Variants in STIM1 observed in about 807,000 individuals in gnomAD.
The protein encoded by STIM1 is stromal interaction molecule 1.
In STIM1, 25 loss-of-function variants were observed where a neutral mutation model predicts 74.7. The observed-to-expected ratio is 0.33, with a 90% confidence interval of 0.24 to 0.47. STIM1 has a LOEUF of 0.47. Among genes scored for constraint, STIM1 ranks in the 20% least tolerant of loss-of-function variants. The pLI, the probability that STIM1 is intolerant of heterozygous loss-of-function variation, is 1.00. For synonymous variants in STIM1, 328 were observed against 348.8 expected (o/e 0.94, Z 0.66); for missense variants, 728 against 920.8 (o/e 0.79, Z 2.71).
rs2133268554 is a variant in STIM1, at chr11:4,092,321, TTC to T, written c.*525_*526del. Reference sequence around the variant, plus strand: ...GCTAGGGCCTAATCTTTGAAGTTTGTTCTTTGGTATTGATGTGGGTCAGAAGG... The same window carrying T: ...GCTAGGGCCTAATCTTTGAAGTTTGTTTTGGTATTGATGTGGGTCAGAAGG... On this transcript the variant is annotated 3_prime_UTR_variant, in exon 13 of 13. Transcript: ENST00000526596. 5.4e-6 allele frequency: 1 copy of T among 184,760 alleles called. No homozygotes were observed. Among genetic ancestry groups the T allele is most frequent in the Admixed American group, 5.3e-5 (1 of 18,854 alleles). The allele number at this position is 184,760 out of a possible 1,614,324, so 11.4% of individuals were successfully genotyped here.
At chr11:4,076,383 G>A (rs1449748983) in intron 7 of STIM1, among the ~76,000 whole-genome samples, 2 of 150,520 alleles carry the variant, frequency 1.3e-5, no homozygotes, top group Non-Finnish European at 3.0e-5. Context: ...CTCCTTGGGA[G>A]GCTGAGGCAG....
At chr11:3,935,362 C>G (rs1349257382) in intron 1 of STIM1, among the ~76,000 whole-genome samples, 3 of 152,212 alleles carry the variant, frequency 2.0e-5, no homozygotes, top group South Asian at 4.1e-4. Context: ...GCAAGGTGCT[C>G]TCTTCATTAT....
intron 1 of STIM1, among the ~76,000 whole-genome samples, chr11:3,959,890 C>T (rs1277830859): frequency 6.6e-6 from 1 of 152,096 alleles, no homozygotes; most frequent in Non-Finnish European, 1.5e-5. Flanking sequence ...ACTGCTGGCA[C>T]CTTAACACAA....
chr11:3,883,110 T>TA (rs527616254), intron 1 of STIM1, among the ~76,000 whole-genome samples: 122 of 152,330 alleles, frequency 8.0e-4, no homozygotes, highest in African/African-American at 2.7e-3. Flanking sequence ...TTTCTTGACT[T>TA]AAAAATCACC....
intron 2 of STIM1, among the ~76,000 whole-genome samples, chr11:3,983,876 T>C (rs1214035373): frequency 6.6e-6 from 1 of 151,836 alleles, no homozygotes; most frequent in Middle Eastern, 3.4e-3. Flanking sequence ...CTCCTTTCTT[T>C]TTTTTTTTTA....
At chr11:3,989,273 C>A in intron 2 of STIM1, 2 of 918,946 alleles carry the variant, frequency 2.2e-6, no homozygotes, top group Non-Finnish European at 3.7e-6. Flanking sequence ...GCCACTTCGG[C>A]CTGTTTTCCC....
At chr11:3,976,538 A>G (rs2093449962) in intron 2 of STIM1, among the ~76,000 whole-genome samples, 2 of 152,180 alleles carry the variant, frequency 1.3e-5, no homozygotes, top group South Asian at 4.1e-4. Flanking sequence ...GTTAAATTTC[A>G]TCATATGTTA....
At chr11:4,004,289 G>A (rs1404201331) in intron 2 of STIM1, among the ~76,000 whole-genome samples, 1 of 152,066 alleles carries the variant, frequency 6.6e-6, no homozygotes, top group African/African-American at 2.4e-5. Flanking sequence ...TCAATCCTAA[G>A]CCAAAAGAAC....
chr11:3,949,417 C>T (rs2135656613), intron 1 of STIM1, among the ~76,000 whole-genome samples: 1 of 152,278 alleles, frequency 6.6e-6, no homozygotes, highest in African/African-American at 2.4e-5. Flanking sequence ...GCTATAGAGA[C>T]AGCCTCTTGA....
Position 4,082,168 on chromosome 11 carries a change from C to A in STIM1, c.970-16C>A, listed in dbSNP as rs201003963. 9.3e-6 allele frequency: 15 copies of A among 1,613,990 alleles called. No individual in the cohort carries two copies. The East Asian group carries it at 3.3e-4, about 36-fold the overall frequency. On this transcript the variant is annotated splice_polypyrimidine_tract_variant and intron_variant, in intron 7 of 12. Transcript: ENST00000526596. The stretch of plus-strand genomic sequence containing the variant: ...TTAGTAGCAGTAAATGAACTCACAT[C>A]CTTTTGGCTGCCTAGGTTCGGGAGG...
chr11:3,957,494 C>T (rs11030394), intron 1 of STIM1, among the ~76,000 whole-genome samples: 58,497 of 151,686 alleles, frequency 0.39, 12,883 homozygotes, highest in Admixed American at 0.49. Context: ...CCTGACCTTG[C>T]GATCCACCTG....
At position 3,868,877 on chromosome 11, in the gene STIM1, C is replaced by A. The variant is rs570735972; in HGVS notation, c.139+12468C>A. Among the ~76,000 whole-genome samples, 192 of 152,216 alleles carry A rather than the reference C, an allele frequency of 1.3e-3. 1 individual carries two copies. Among genetic ancestry groups the A allele is most frequent in the African/African-American group, 4.3e-3 (179 of 41,542 alleles). On this transcript the variant is annotated intron_variant, in intron 1 of 12. Transcript: ENST00000526596. ...TATGTGTTATAAGACAATCCCTGCC[C>A]AGTAGAAGGACTCAATATAGCAGGA... is the stretch of plus-strand genomic sequence containing the variant.
intron 1 of STIM1, among the ~76,000 whole-genome samples, chr11:3,914,303 A>G (rs2135492434): frequency 6.6e-6 from 1 of 152,228 alleles, no homozygotes; most frequent in African/African-American, 2.4e-5. Flanking sequence ...ATGCATCAGA[A>G]AACTTCATTT....
At chr11:4,038,191 C>T (rs756035809) in intron 3 of STIM1, among the ~76,000 whole-genome samples, 9 of 152,024 alleles carry the variant, frequency 5.9e-5, no homozygotes, top group East Asian at 1.9e-4. Context: ...CATGCCACTA[C>T]GCCCAGCTAA....
intron 1 of STIM1, among the ~76,000 whole-genome samples, chr11:3,933,238 C>A (rs746873652): frequency 6.6e-6 from 1 of 152,152 alleles, no homozygotes; most frequent in African/African-American, 2.4e-5. Context: ...AATGGGACCA[C>A]GTTTCCCCAA....
chr11:3,960,450 A>T (rs940600927), intron 1 of STIM1, among the ~76,000 whole-genome samples: 13 of 152,236 alleles, frequency 8.5e-5, no homozygotes, highest in African/African-American at 3.1e-4. Context: ...TGTATAAATG[A>T]AAGTGTCAAC....
rs11030907 is a variant in STIM1, at chr11:4,088,420, C to A, written c.1634+1877C>A. On this transcript the variant is annotated intron_variant, in intron 12 of 12. Coordinates refer to ENST00000526596, the MANE Select transcript of STIM1 (RefSeq NM_001382567.1). ...ACCTCTGGATAGTTATGCTTGAGGG[C>A]TGTTCCTTTCTCTTGCACAAAGGGA... 0.44 allele frequency among the ~76,000 whole-genome samples: 66,546 copies of A among 152,038 alleles called. 16,864 individuals are homozygous for A. Among genetic ancestry groups the A allele is most frequent in the Non-Finnish European group, 0.57 (38,653 of 67,948 alleles).
chr11:4,055,436 A>G, intron 3 of STIM1, 90 bp from the exon 4 acceptor site: 3 of 964,130 alleles, frequency 3.1e-6, no homozygotes, highest in Non-Finnish European at 4.9e-6. Context: ...TTAAACACAC[A>G]AATGTGGTAA....
chr11:3,872,300 G>A (rs1347835807), intron 1 of STIM1, among the ~76,000 whole-genome samples: 1 of 151,876 alleles, frequency 6.6e-6, no homozygotes, highest in Non-Finnish European at 1.5e-5. Context: ...TGATCTGCCC[G>A]CCTTGGCCTC....
Sources: gnomAD v4.1 joint callset for allele counts (sites outside exome capture counted in the v4.1 genomes callset) on GRCh38, gnomAD v4.1.1 for gene constraint, MANE v1.5 for transcripts, NCBI Gene and HGNC (gene_info 2026-07-23, HGNC 2026-07-21) for gene names.